The following THSD7A variants were observed in gnomAD, a reference collection of about 807,000 sequenced individuals.
THSD7A encodes thrombospondin type 1 domain containing 7A.
Under a neutral mutation model 231.3 loss-of-function variants are expected in THSD7A, and 96 were observed. That is an observed-to-expected ratio of 0.41 (90% CI 0.35 to 0.49). The LOEUF (loss-of-function observed/expected upper bound fraction) is 0.49, where lower values mean the gene tolerates loss of function less well. Ranked by LOEUF, THSD7A falls within the 20% of genes least tolerant of loss-of-function variation. THSD7A has a pLI of 0.05. For missense variants in THSD7A, 2,290 were observed against 2,070.2 expected (o/e 1.11, Z -2.06); for synonymous variants, 940 against 743.3 (o/e 1.26, Z -4.30).
At chr7:11,574,077 A>C (rs1790769942) in intron 4 of THSD7A, among the ~76,000 whole-genome samples, 1 of 152,212 alleles carries the variant, frequency 6.6e-6, no homozygotes, top group Non-Finnish European at 1.5e-5. Context: ...TAGAAAGATC[A>C]ATGCAAATTT....
intron 6 of THSD7A, among the ~76,000 whole-genome samples, chr7:11,510,491 A>G (rs978237977): frequency 1.2e-4 from 19 of 152,176 alleles, no homozygotes; most frequent in African/African-American, 4.1e-4. Flanking sequence ...TTTTAGACCA[A>G]TATCACTGAG....
chr7:11,674,361 C>T (rs1783547230), intron 1 of THSD7A, among the ~76,000 whole-genome samples: 1 of 152,148 alleles, frequency 6.6e-6, no homozygotes, highest in Non-Finnish European at 1.5e-5. Context: ...TCTCCAGACA[C>T]TCCACCCTGG....
chr7:11,699,818 A>G (rs1780525817), intron 1 of THSD7A, among the ~76,000 whole-genome samples: 1 of 151,226 alleles, frequency 6.6e-6, no homozygotes, highest in Non-Finnish European at 1.5e-5. Flanking sequence ...AATCTCATGT[A>G]AGTAGAGTGT....
intron 1 of THSD7A, among the ~76,000 whole-genome samples, chr7:11,827,254 G>A (rs1178123113): frequency 6.6e-6 from 1 of 152,040 alleles, no homozygotes; most frequent in African/African-American, 2.4e-5. Context: ...GTAGTAGAGA[G>A]ACTTACATAC....
At chr7:11,666,548 A>T (rs1783140122) in intron 1 of THSD7A, among the ~76,000 whole-genome samples, 1 of 151,992 alleles carries the variant, frequency 6.6e-6, no homozygotes, top group Non-Finnish European at 1.5e-5. Context: ...ACTGCCTAAT[A>T]CAGTGATGGG....
At chr7:11,655,222 A>T (rs1455829268) in intron 1 of THSD7A, among the ~76,000 whole-genome samples, 1 of 150,666 alleles carries the variant, frequency 6.6e-6, no homozygotes, top group Non-Finnish European at 1.5e-5. Context: ...TAATTAAGTA[A>T]ATTATGATAA....
intron 4 of THSD7A, among the ~76,000 whole-genome samples, chr7:11,573,192 T>G (rs1313132748): frequency 1.3e-5 from 2 of 152,160 alleles, no homozygotes; most frequent in Non-Finnish European, 2.9e-5. Flanking sequence ...CTGTGCTACC[T>G]ATACTATCAC....
intron 2 of THSD7A, among the ~76,000 whole-genome samples, chr7:11,633,571 G>A (rs1781731110): frequency 6.6e-6 from 1 of 152,136 alleles, no homozygotes. Context: ...CATGAAAGCT[G>A]TAACACATAA....
intron 1 of THSD7A, among the ~76,000 whole-genome samples, chr7:11,740,287 C>T (rs987623215): frequency 2.0e-5 from 3 of 151,916 alleles, no homozygotes; most frequent in South Asian, 2.1e-4. Flanking sequence ...ATCCCAGAGA[C>T]GGGGACAGCT....
At chr7:11,610,053 C>T (rs1780869595) in intron 2 of THSD7A, among the ~76,000 whole-genome samples, 1 of 151,782 alleles carries the variant, frequency 6.6e-6, no homozygotes, top group Admixed American at 6.6e-5. Context: ...TGGTTAATGC[C>T]TACAAATGTT....
chr7:11,541,477 G>A lies in THSD7A; in HGVS notation c.1764C>T (p.Asn588=), dbSNP rs568263650. The change falls in exon 6 of 28, where the codon AAC becomes AAT. Residue 588 remains asparagine (N), a synonymous_variant. Coordinates refer to ENST00000423059, the MANE Select transcript of THSD7A (RefSeq NM_015204.3). ...AVRLGNCEPD[N]GKECGPGTQV... ...GCGTGCCTGGACCACACTCCTTTCCGTTATCTGGCTCGCAGTTTCCCAGTC... is the reference window on the plus strand; with the variant it reads ...GCGTGCCTGGACCACACTCCTTTCCATTATCTGGCTCGCAGTTTCCCAGTC... The A allele has an allele frequency of 1.3e-5, 21 of 1,613,890 alleles. 1 individual carries two copies. Among genetic ancestry groups the A allele is most frequent in the South Asian group, 5.5e-5 (5 of 91,072 alleles).
chr7:11,478,787 A>G (rs956820273), intron 7 of THSD7A, among the ~76,000 whole-genome samples: 1 of 152,156 alleles, frequency 6.6e-6, no homozygotes, highest in African/African-American at 2.4e-5. Context: ...AGATACATAC[A>G]TACATATATA....
chr7:11,691,058 A>G (rs980632174), intron 1 of THSD7A, among the ~76,000 whole-genome samples: 8 of 151,678 alleles, frequency 5.3e-5, no homozygotes, highest in African/African-American at 1.7e-4. Context: ...AAGAATGAAA[A>G]TGTCCATAAT....
At chr7:11,467,000 A>G (rs1414356117) in intron 9 of THSD7A, among the ~76,000 whole-genome samples, 2 of 152,068 alleles carry the variant, frequency 1.3e-5, no homozygotes, top group African/African-American at 4.8e-5. Flanking sequence ...ATCTACCCGC[A>G]TAACACGATT....
intron 1 of THSD7A, among the ~76,000 whole-genome samples, chr7:11,808,154 CCA>C (rs67706467): frequency 0.49 from 74,063 of 150,860 alleles, 19,238 homozygotes; most frequent in Middle Eastern, 0.63. Context: ...TAGAAAGAGA[CCA>C]CACACACACA....
At chr7:11,438,656 T>C (rs1583742087) in intron 13 of THSD7A, among the ~76,000 whole-genome samples, 1 of 152,156 alleles carries the variant, frequency 6.6e-6, no homozygotes. Flanking sequence ...ATTTAATTGT[T>C]ACTACAATTG....
chr7:11,522,515 CTG>C (rs773636650), intron 6 of THSD7A, among the ~76,000 whole-genome samples: 2 of 151,522 alleles, frequency 1.3e-5, no homozygotes, highest in Non-Finnish European at 2.9e-5. Flanking sequence ...TTTCATTTGA[CTG>C]CTTTTTATTT....
chr7:11,492,949 T>C (rs2128308019), intron 6 of THSD7A, among the ~76,000 whole-genome samples: 1 of 152,128 alleles, frequency 6.6e-6, no homozygotes, highest in South Asian at 2.1e-4. Context: ...CTAGGGAGAA[T>C]GAAATTTCAG....
chr7:11,415,313 C>T (rs368254706), intron 17 of THSD7A, among the ~76,000 whole-genome samples: 46 of 152,282 alleles, frequency 3.0e-4, no homozygotes, highest in Non-Finnish European at 6.0e-4. Context: ...GAAAGATAAA[C>T]GGCCTCGGGC....
Sources: allele counts gnomAD v4.1 joint callset (sites outside exome capture counted in the v4.1 genomes callset), GRCh38; gene constraint gnomAD v4.1.1; transcripts MANE v1.5; gene names NCBI Gene and HGNC (gene_info 2026-07-23, HGNC 2026-07-21).